Variants in GLRA1 observed in about 807,000 individuals in gnomAD.
GLRA1 encodes glycine receptor alpha 1.
A neutral mutation model predicts 48.3 loss-of-function variants in GLRA1; 37 were observed. That is an observed-to-expected ratio of 0.77 (90% CI 0.59 to 1.01). The LOEUF (loss-of-function observed/expected upper bound fraction) is 1.01, where lower values mean the gene tolerates loss of function less well. Among genes scored for constraint, GLRA1 ranks in the 50% least tolerant of loss-of-function variants. The pLI is 0.00. For synonymous variants in GLRA1, 196 were observed against 210.7 expected (o/e 0.93, Z 0.60); for missense variants, 427 against 571.0 (o/e 0.75, Z 2.57).
At position 151,865,154 on chromosome 5, in the gene GLRA1, T is replaced by C. The variant is rs138272071; in HGVS notation, c.253-5146A>G. The stretch of plus-strand genomic sequence containing the variant: ...CTCTCTTAAGTGCCAGATACTATTC[T>C]AGGCACTGAGGAATCCACTGAGAAC... On this transcript the variant is annotated intron_variant, in intron 3 of 8. Transcript: ENST00000274576. 4.9e-3 allele frequency among the ~76,000 whole-genome samples: 745 copies of C among 152,314 alleles called. 2 individuals carry two copies. The highest frequency in any genetic ancestry group is 0.01 in the Middle Eastern group (3 of 294).
At chr5:151,825,871 G>A (rs145557467) in intron 8 of GLRA1, among the ~76,000 whole-genome samples, 199 of 152,266 alleles carry the variant, frequency 1.3e-3, no homozygotes, top group Middle Eastern at 0.01. Flanking sequence ...AATCCCTTCT[G>A]CAAACTTCCT....
chr5:151,920,306 G>A (rs1007157770), intron 1 of GLRA1, among the ~76,000 whole-genome samples: 1 of 152,152 alleles, frequency 6.6e-6, no homozygotes, highest in African/African-American at 2.4e-5. Context: ...TAGAGGAAGA[G>A]ACTTGTTATG....
intron 7 of GLRA1, among the ~76,000 whole-genome samples, chr5:151,846,922 T>C (rs541033574): frequency 6.6e-6 from 1 of 152,346 alleles, no homozygotes; most frequent in African/African-American, 2.4e-5. Flanking sequence ...GTGATTCTCC[T>C]TCCTTATTTT....
intron 7 of GLRA1, among the ~76,000 whole-genome samples, chr5:151,833,802 A>AAAAAAG (rs1401391906): frequency 1.3e-5 from 2 of 150,094 alleles, no homozygotes. Context: ...AAAGCAAAAA[A>AAAAAAG]AAAAAAAAAA....
At chr5:151,886,843 GGTAGGACTCATTCCCAGAACACT>G in intron 2 of GLRA1, 55 bp from the exon 3 acceptor site, 1 of 1,269,820 alleles carries the variant, frequency 7.9e-7, no homozygotes, top group East Asian at 2.3e-5. Flanking sequence ...GAACCCACAG[GGTAGGACTCATTCCCAGAACACT>G]GACTTCTGGA....
chr5:151,867,552 C>A (rs1348725513), intron 3 of GLRA1, among the ~76,000 whole-genome samples: 1 of 152,108 alleles, frequency 6.6e-6, no homozygotes, highest in Non-Finnish European at 1.5e-5. Context: ...TAATAATTGC[C>A]CCTTATTGAG....
chr5:151,913,818 A>G (rs1375293691), intron 1 of GLRA1, among the ~76,000 whole-genome samples: 1 of 152,196 alleles, frequency 6.6e-6, no homozygotes, highest in Non-Finnish European at 1.5e-5. Flanking sequence ...GAAATGAATA[A>G]TAGTATATGA....
At chr5:151,902,982 G>A (rs4958283) in intron 1 of GLRA1, among the ~76,000 whole-genome samples, 69,137 of 151,958 alleles carry the variant, frequency 0.45, 15,945 homozygotes, top group East Asian at 0.56. Flanking sequence ...GAAAACTTAT[G>A]TGAGAACAAA....
chr5:151,871,918 A>G (rs1213301930), intron 3 of GLRA1, among the ~76,000 whole-genome samples: 1 of 149,712 alleles, frequency 6.7e-6, no homozygotes, highest in East Asian at 1.9e-4. Flanking sequence ...ACATGGAAGA[A>G]AGAAAGGGCT....
chr5:151,895,744 AC>A (rs1754212779), intron 1 of GLRA1, among the ~76,000 whole-genome samples: 2 of 150,580 alleles, frequency 1.3e-5, no homozygotes, highest in South Asian at 4.2e-4. Context: ...TGGCTGGAAA[AC>A]CCTCCCAGGT....
chr5:151,860,313 A>G (rs756480330), intron 3 of GLRA1, among the ~76,000 whole-genome samples: 5 of 152,216 alleles, frequency 3.3e-5, no homozygotes, highest in Non-Finnish European at 5.9e-5. Flanking sequence ...GATGTAATGA[A>G]CACTTGTTTT....
chr5:151,834,017 CAAT>C (rs1763498502), intron 7 of GLRA1, among the ~76,000 whole-genome samples: 1 of 152,064 alleles, frequency 6.6e-6, no homozygotes, highest in Non-Finnish European at 1.5e-5. Context: ...GACTCTCACA[CAAT>C]AATAGTGGGA....
rs1259146256 is a variant in GLRA1 at position 151,840,730 on chromosome 5, G to GAAAA, written c.912+10656_912+10659dup. Among the ~76,000 whole-genome samples the GAAAA allele has an allele frequency of 4.1e-5, 4 of 97,672 alleles. No individual in the cohort carries two copies. The East Asian group carries it at 1.2e-3, about 29-fold the overall frequency. 64.1% of individuals were successfully genotyped at this position (97,672 alleles called of 152,430 possible). A position where few individuals can be genotyped will look rare whatever the true frequency, so the allele number is the denominator to read the frequency against. The stretch of plus-strand genomic sequence containing the variant: ...CCTTTAGGTGATTATACCAACATCA[G>GAAAA]AAAAAAAAAAAACCCACAAACAAAC... On this transcript the variant is annotated intron_variant, in intron 7 of 8. Coordinates refer to ENST00000274576, the MANE Select transcript of GLRA1 (RefSeq NM_000171.4).
At chr5:151,824,790 G>A (rs938111950) in intron 8 of GLRA1, among the ~76,000 whole-genome samples, 4 of 152,000 alleles carry the variant, frequency 2.6e-5, no homozygotes, top group Non-Finnish European at 4.4e-5. Context: ...ATTAGCGTCT[G>A]TCTCTTACTA....
intron 4 of GLRA1, among the ~76,000 whole-genome samples, chr5:151,859,165 C>A (rs1452187859): frequency 5.3e-5 from 8 of 152,150 alleles, no homozygotes; most frequent in Admixed American, 5.2e-4. Flanking sequence ...TGTGTAAGGA[C>A]ATTTTTTCAC....
Position 151,892,298 on chromosome 5 carries a change from A to G in GLRA1, c.184+13T>C, listed in dbSNP as rs772654498. ...GCATTTCCCTGTGGGTCTGGAAGGA[A>G]TATTTTCTCTACCTTTAAAATTGGG... On this transcript the variant is annotated intron_variant, in intron 2 of 8. Transcript: ENST00000274576. 1 of 1,613,342 alleles carries G rather than the reference A, an allele frequency of 6.2e-7. No homozygotes were observed. The highest frequency in any genetic ancestry group is 8.5e-7 in the Non-Finnish European group (1 of 1,179,350).
intron 4 of GLRA1, 73 bp from the exon 5 acceptor site, chr5:151,856,456 G>T: frequency 1.0e-6 from 1 of 986,134 alleles, no homozygotes; most frequent in South Asian, 1.3e-5. Flanking sequence ...TCTAGTTATT[G>T]TTAGAAAATC....
intron 5 of GLRA1, among the ~76,000 whole-genome samples, chr5:151,855,565 T>C (rs1581620151): frequency 1.3e-5 from 2 of 152,094 alleles, no homozygotes; most frequent in Admixed American, 6.5e-5. Flanking sequence ...CTGGCTGGGG[T>C]AGACGGGGGA....
At chr5:151,860,951 C>T (rs1396134243) in intron 3 of GLRA1, among the ~76,000 whole-genome samples, 1 of 152,172 alleles carries the variant, frequency 6.6e-6, no homozygotes, top group Non-Finnish European at 1.5e-5. Context: ...TGTTCAGTTC[C>T]CACCTATGAG....
Sources: allele counts gnomAD v4.1 joint callset (sites outside exome capture counted in the v4.1 genomes callset), GRCh38; gene constraint gnomAD v4.1.1; transcripts MANE v1.5; gene names NCBI Gene and HGNC (gene_info 2026-07-23, HGNC 2026-07-21).